FCGR2B: variants seen among roughly 807,000 people sequenced by gnomAD.
FCGR2B encodes the protein Fc gamma receptor IIb.
FCGR2B carries 18 observed loss-of-function variants against 24.8 expected under a neutral mutation model. The observed-to-expected ratio is 0.73, with a 90% CI of 0.50 to 1.08. FCGR2B has a LOEUF of 1.08. Ranked by LOEUF, FCGR2B falls within the 50% of genes least tolerant of loss-of-function variation. The pLI is 0.00. For missense variants in FCGR2B, 215 were observed against 297.6 expected (o/e 0.72, Z 2.04); for synonymous variants, 79 against 109.8 (o/e 0.72, Z 1.75).
intron 3 of FCGR2B, 156 bp from the exon 4 acceptor site, chr1:161,672,819 T>C: frequency 1.7e-6 from 2 of 1,208,304 alleles, no homozygotes; most frequent in East Asian, 2.6e-5. Context: ...TGCCCAAGAG[T>C]TCATAAATGA....
At chr1:161,648,052 A>G in the FCGR2B span, among the ~76,000 whole-genome samples, 1 of 150,734 alleles carries the variant, frequency 6.6e-6, no homozygotes, top group Non-Finnish European at 1.5e-5. Context: ...GTTCACAGAA[A>G]GCAGCATGGG....
chr1:161,678,033 A>G lies in FCGR2B; in HGVS notation c.*480A>G, dbSNP rs1286171975. ...TCTATAAAGATCATATATTACTTTT[A>G]TAATAAAACATTATAAAAACAACAT... On this transcript the variant is annotated 3_prime_UTR_variant, in exon 8 of 8. Coordinates refer to ENST00000358671, the MANE Select transcript of FCGR2B (RefSeq NM_001394477.1). 2 of 216,326 alleles carry G rather than the reference A, an allele frequency of 9.2e-6. No individual in the cohort carries two copies. The highest frequency in any genetic ancestry group is 4.5e-5 in the African/African-American group (2 of 44,460). 13.4% of individuals were successfully genotyped at this position (216,326 alleles called of 1,614,324 possible).
At chr1:161,661,189 GGAAA>G (rs201423251), upstream of FCGR2B, among the ~76,000 whole-genome samples, 5,004 of 68,242 alleles carry the variant, frequency 0.073, 65 homozygotes, top group East Asian at 0.14. Flanking sequence ...AAGGAAGAAA[GGAAA>G]GAAAGAAAGA....
chr1:161,671,780 A>G (rs1681687947), intron 3 of FCGR2B, 131 bp downstream of exon 3: 5 of 1,505,872 alleles, frequency 3.3e-6, no homozygotes, highest in South Asian at 1.3e-5. Flanking sequence ...GCCTCAGCAC[A>G]TATCAGTGGT....
At chr1:161,675,381 G>T in intron 6 of FCGR2B, 68 bp downstream of exon 6, 1 of 1,180,420 alleles carries the variant, frequency 8.5e-7, no homozygotes, top group South Asian at 1.5e-5. Context: ...TGGAGCCAGG[G>T]AGAAGGGGCT....
At chr1:161,677,225 C>T (rs1413125515) in intron 6 of FCGR2B, 103 bp from the exon 7 acceptor site, 11 of 1,125,326 alleles carry the variant, frequency 9.8e-6, no homozygotes, top group Non-Finnish European at 1.3e-6. Context: ...GCAGTGCTTG[C>T]TTTGGCTCTA....
chr1:161,647,394 G>A, the FCGR2B span, among the ~76,000 whole-genome samples: 42 of 148,200 alleles, frequency 2.8e-4, 2 homozygotes, highest in East Asian at 1.4e-3. Flanking sequence ...CCCGCCTGCC[G>A]GGTTCAAGCA....
chr1:161,649,926 A>AT, the FCGR2B span, among the ~76,000 whole-genome samples: 1 of 150,340 alleles, frequency 6.7e-6, no homozygotes, highest in Non-Finnish European at 1.5e-5. Context: ...AATTTGAAGG[A>AT]TTTTGTCTTA....
intron 2 of FCGR2B, 42 bp from the exon 3 acceptor site, chr1:161,671,350 G>C (rs1408585613): frequency 6.2e-7 from 1 of 1,613,868 alleles, no homozygotes; most frequent in Admixed American, 1.7e-5. Flanking sequence ...CAAGCTCCTG[G>C]GCTTCCTCTT....
At chr1:161,661,290 G>GAGAA (rs1339522454), upstream of FCGR2B, among the ~76,000 whole-genome samples, 2 of 138,260 alleles carry the variant, frequency 1.4e-5, no homozygotes, top group East Asian at 2.3e-4. Context: ...AAGAAAGAGA[G>GAGAA]AGAAAGAAAG....
At chr1:161,671,826 T>C (rs547561864) in intron 3 of FCGR2B, 177 bp downstream of exon 3, 75 of 1,287,516 alleles carry the variant, frequency 5.8e-5, no homozygotes, top group Non-Finnish European at 7.3e-5. Context: ...CAGAAGAAGG[T>C]TTCAAGGCCA....
At chr1:161,652,756 G>T in the FCGR2B span, among the ~76,000 whole-genome samples, 2 of 134,742 alleles carry the variant, frequency 1.5e-5, no homozygotes, top group East Asian at 4.0e-4. Flanking sequence ...TTGGAAATGA[G>T]CACCCCTCTT....
rs6427615 is a variant in FCGR2B, at chr1:161,675,220, C to T, written c.761-37C>T. ...TTGGTCCTGAGGACTCAGGCCCCAC[C>T]GCCTAATCCTACTAACCTCCTGTGT... On this transcript the variant is annotated intron_variant, in intron 5 of 7. Transcript: ENST00000358671. The T allele has an allele frequency of 3.2e-3, 4,851 of 1,533,140 alleles. 100 individuals are homozygous for T. The African/African-American group carries it at 0.048, about 15-fold the overall frequency. The allele number at this position is 1,533,140 out of a possible 1,614,324, so 95.0% of individuals were successfully genotyped here.
chr1:161,667,411 G>A lies in FCGR2B; in HGVS notation c.113-2841G>A, dbSNP rs566120827. ...AATGCGGTGATCGCACATTTACTGC[G>A]TCAACAGTTTGCCTTCTTGTGTGGT... On this transcript the variant is annotated intron_variant, in intron 1 of 7. Transcript: ENST00000358671. Among the ~76,000 whole-genome samples, 301 of 125,654 alleles carry A rather than the reference G, an allele frequency of 2.4e-3. 10 individuals are homozygous for A. Among genetic ancestry groups the A allele is most frequent in the African/African-American group, 8.9e-3 (284 of 31,742 alleles). 82.4% of individuals were successfully genotyped at this position (125,654 alleles called of 152,430 possible). A position where few individuals can be genotyped will look rare whatever the true frequency, so the allele number is the denominator to read the frequency against.
the FCGR2B span, among the ~76,000 whole-genome samples, chr1:161,652,954 A>C: frequency 1.5e-5 from 2 of 134,446 alleles, no homozygotes; most frequent in Middle Eastern, 3.9e-3. Flanking sequence ...GCACTACCCC[A>C]ACTTTAGGAC....
chr1:161,649,893 T>C, the FCGR2B span, among the ~76,000 whole-genome samples: 1 of 150,300 alleles, frequency 6.7e-6, no homozygotes, highest in Admixed American at 6.7e-5. Flanking sequence ...CTTTATTGAT[T>C]GGATGGGAAT....
At chr1:161,671,193 G>A (rs61160157) in intron 2 of FCGR2B, among the ~76,000 whole-genome samples, 199 bp from the exon 3 acceptor site, 68 of 152,226 alleles carry the variant, frequency 4.5e-4, no homozygotes, top group Non-Finnish European at 7.8e-4. Flanking sequence ...TTGCCCTGTC[G>A]GAGTCCTGGG....
At chr1:161,661,257 A>AGAAG (rs1176824851), upstream of FCGR2B, among the ~76,000 whole-genome samples, 40 of 32,382 alleles carry the variant, frequency 1.2e-3, no homozygotes, top group Non-Finnish European at 1.9e-3. Flanking sequence ...AAAGAAAGAA[A>AGAAG]GAAAGGAAGG....
At chr1:161,677,277 G>A (rs1403914323) in intron 6 of FCGR2B, 51 bp from the exon 7 acceptor site, 2 of 1,585,652 alleles carry the variant, frequency 1.3e-6, no homozygotes, top group Non-Finnish European at 8.7e-7. Flanking sequence ...AGCACAGGCA[G>A]GCCCTCTTCT....
Sources: gnomAD v4.1 joint callset for allele counts (sites outside exome capture counted in the v4.1 genomes callset) on GRCh38, gnomAD v4.1.1 for gene constraint, MANE v1.5 for transcripts, NCBI Gene and HGNC (gene_info 2026-07-23, HGNC 2026-07-21) for gene names.